The following CTNND2 variants were observed in gnomAD, a reference collection of about 807,000 sequenced individuals.
CTNND2 encodes the protein catenin delta 2.
A neutral mutation model predicts 144.4 loss-of-function variants in CTNND2; 22 were observed. The ratio of observed to expected loss-of-function variants is 0.15; its 90% CI spans 0.11 to 0.22. The LOEUF (loss-of-function observed/expected upper bound fraction) is 0.22. CTNND2 is among the 10% of genes least tolerant of loss of function. CTNND2 has a pLI of 1.00. For missense variants in CTNND2, 1,353 were observed against 1,618.8 expected, an observed-to-expected ratio of 0.84 and a Z score of 2.82; for synonymous variants, 751 against 695.6, an observed-to-expected ratio of 1.08 and a Z score of -1.25.
chr5:11,235,197 T>C (rs740471), intron 10 of CTNND2, among the ~76,000 whole-genome samples: 34,009 of 152,084 alleles, frequency 0.22, 3,941 homozygotes, highest in Middle Eastern at 0.33. Context: ...AATGCTTTCA[T>C]GACCTTCAGA....
At chr5:11,028,128 A>T (rs961812613) in intron 16 of CTNND2, among the ~76,000 whole-genome samples, 17 of 152,170 alleles carry the variant, frequency 1.1e-4, no homozygotes, top group Non-Finnish European at 1.9e-4. Context: ...TCACTGATGG[A>T]GTCCTATGTG....
chr5:11,312,013 A>G lies in CTNND2; in HGVS notation c.1628+34359T>C, dbSNP rs926518130. 3.6e-4 allele frequency among the ~76,000 whole-genome samples: 48 copies of G among 134,230 alleles called. 1 individual carries two copies. The highest frequency in any genetic ancestry group is 4.1e-4 in the Non-Finnish European group (26 of 62,702). 88.1% of individuals were successfully genotyped at this position (134,230 alleles called of 152,430 possible). ...ATATATGCACCCCACACACACACTCACCATACACCTTCACCCCACACACAC... is the reference window on the plus strand; with the variant it reads ...ATATATGCACCCCACACACACACTCGCCATACACCTTCACCCCACACACAC... On this transcript the variant is annotated intron_variant, in intron 9 of 21. Coordinates refer to ENST00000304623, the MANE Select transcript of CTNND2 (RefSeq NM_001332.4).
chr5:11,638,059 T>C (rs1448677093), intron 2 of CTNND2, among the ~76,000 whole-genome samples: 2 of 152,208 alleles, frequency 1.3e-5, no homozygotes, highest in Non-Finnish European at 2.9e-5. Flanking sequence ...TCAGATTTAT[T>C]AGTTTTGTTA....
chr5:11,292,284 G>A (rs1691157), intron 9 of CTNND2, among the ~76,000 whole-genome samples: 25,116 of 152,054 alleles, frequency 0.17, 2,403 homozygotes, highest in African/African-American at 0.25. Context: ...ACACAGGGCC[G>A]TAGTAGATGT....
chr5:11,048,358 T>G (rs759693416), intron 16 of CTNND2, among the ~76,000 whole-genome samples: 14 of 152,210 alleles, frequency 9.2e-5, no homozygotes, highest in Non-Finnish European at 1.5e-4. Flanking sequence ...GAGATTTACA[T>G]GATCTCAAAT....
At chr5:11,665,974 A>G (rs777647748) in intron 2 of CTNND2, among the ~76,000 whole-genome samples, 2 of 152,206 alleles carry the variant, frequency 1.3e-5, no homozygotes, top group Non-Finnish European at 2.9e-5. Flanking sequence ...ATGAGCAAAG[A>G]AATACACTTT....
chr5:11,343,830 T>A (rs1246425963), intron 9 of CTNND2, among the ~76,000 whole-genome samples: 1 of 152,216 alleles, frequency 6.6e-6, no homozygotes, highest in East Asian at 1.9e-4. Context: ...ATAAAGAGGC[T>A]TACATAGCCT....
chr5:11,213,182 GC>G (rs1738816182), intron 10 of CTNND2, among the ~76,000 whole-genome samples: 1 of 152,010 alleles, frequency 6.6e-6, no homozygotes, highest in Admixed American at 6.5e-5. Context: ...TGTGTTCTGA[GC>G]CCCAGCAAGG....
At chr5:11,372,772 G>A (rs564914451) in intron 7 of CTNND2, among the ~76,000 whole-genome samples, 1 of 152,340 alleles carries the variant, frequency 6.6e-6, no homozygotes, top group East Asian at 1.9e-4. Flanking sequence ...GGAAGGGCCT[G>A]AGGTTCTTCA....
chr5:11,408,423 G>C (rs940442559), intron 5 of CTNND2, among the ~76,000 whole-genome samples: 1 of 152,044 alleles, frequency 6.6e-6, no homozygotes, highest in Admixed American at 6.6e-5. Context: ...AATATGTTAA[G>C]GGCAAATGGT....
intron 2 of CTNND2, among the ~76,000 whole-genome samples, chr5:11,708,893 A>G (rs1200249659): frequency 6.6e-6 from 1 of 152,178 alleles, no homozygotes; most frequent in African/African-American, 2.4e-5. Context: ...GTCTTTGTGA[A>G]TATCATATAA....
intron 1 of CTNND2, among the ~76,000 whole-genome samples, chr5:11,770,415 AGAAGGAAG>A (rs1206057309): frequency 2.0e-4 from 2 of 10,002 alleles, no homozygotes; most frequent in African/African-American, 2.2e-4. Flanking sequence ...AAAAAAGGAA[AGAAGGAAG>A]GAAGGAAGGA....
chr5:11,474,570 G>A (rs1767539769), intron 3 of CTNND2, among the ~76,000 whole-genome samples: 1 of 152,070 alleles, frequency 6.6e-6, no homozygotes, highest in Non-Finnish European at 1.5e-5. Context: ...TTTCTTTAAG[G>A]GTAAATCAGA....
intron 1 of CTNND2, among the ~76,000 whole-genome samples, chr5:11,897,912 T>A (rs535243321): frequency 6.6e-6 from 1 of 152,330 alleles, no homozygotes; most frequent in East Asian, 1.9e-4. Flanking sequence ...ACTTAATTAA[T>A]GTAACACTGC....
chr5:11,690,328 A>T (rs1329204152), intron 2 of CTNND2, among the ~76,000 whole-genome samples: 1 of 152,260 alleles, frequency 6.6e-6, no homozygotes, highest in African/African-American at 2.4e-5. Flanking sequence ...CAAACGTTAC[A>T]AACAAGAAAG....
intron 3 of CTNND2, among the ~76,000 whole-genome samples, chr5:11,552,501 C>G (rs368732574): frequency 6.6e-6 from 1 of 152,084 alleles, no homozygotes; most frequent in Non-Finnish European, 1.5e-5. Context: ...ATTAATGTCC[C>G]CATCCTAAAA....
chr5:11,140,596 T>TA (rs1561371691), intron 12 of CTNND2, among the ~76,000 whole-genome samples: 4 of 152,166 alleles, frequency 2.6e-5, no homozygotes, highest in Non-Finnish European at 5.9e-5. Context: ...ATGCTACCAG[T>TA]TCCTACTGTG....
At chr5:11,092,767 A>T (rs999452613) in intron 15 of CTNND2, among the ~76,000 whole-genome samples, 3 of 152,176 alleles carry the variant, frequency 2.0e-5, no homozygotes, top group Admixed American at 2.0e-4. Flanking sequence ...TTTACATTTA[A>T]ATCTAAAGCT....
intron 9 of CTNND2, among the ~76,000 whole-genome samples, chr5:11,301,417 C>T (rs1465394175): frequency 1.3e-5 from 2 of 152,072 alleles, no homozygotes; most frequent in African/African-American, 4.8e-5. Flanking sequence ...AAAGGAGATT[C>T]CAACGTGTGT....
Sources: allele counts gnomAD v4.1 joint callset (sites outside exome capture counted in the v4.1 genomes callset), GRCh38; gene constraint gnomAD v4.1.1; transcripts MANE v1.5; gene names NCBI Gene and HGNC (gene_info 2026-07-23, HGNC 2026-07-21).